The following IL23R variants were observed in gnomAD, a reference collection of about 807,000 sequenced individuals.
The protein encoded by IL23R is interleukin-23 receptor.
IL23R carries 34 observed loss-of-function variants against 56.9 expected under a neutral mutation model. The observed-to-expected ratio is 0.60, with a 90% CI of 0.45 to 0.80. The LOEUF (loss-of-function observed/expected upper bound fraction) is 0.80, where lower values mean the gene tolerates loss of function less well. Ranked by LOEUF, IL23R falls within the 30% of genes least tolerant of loss-of-function variation. The pLI is 0.00. For synonymous variants in IL23R, 230 were observed against 249.2 expected (o/e 0.92, Z 0.73); for missense variants, 635 against 730.0 (o/e 0.87, Z 1.50).
In IL23R at chr1:67,240,065, C is replaced by T. The variant is rs878880413; in HGVS notation, c.1046-114C>T. 5 of 800,912 alleles carry T rather than the reference C, an allele frequency of 6.2e-6. No homozygotes were observed. In the East Asian group the frequency reaches 1.3e-4, roughly 21 times the overall value. 49.6% of individuals were successfully genotyped at this position (800,912 alleles called of 1,614,324 possible). A position where few individuals can be genotyped will look rare whatever the true frequency, so the allele number is the denominator to read the frequency against. On this transcript the variant is annotated intron_variant, in intron 8 of 10. Coordinates refer to ENST00000347310, the MANE Select transcript of IL23R (RefSeq NM_144701.3). Reference sequence around the variant, plus strand: ...TAAAGTAAAGGTTAATTTTGCTTCCCCCCACCCTTTCTCCTTTGAGACCTT... The same window carrying T: ...TAAAGTAAAGGTTAATTTTGCTTCCTCCCACCCTTTCTCCTTTGAGACCTT...
chr1:67,195,036 A>G (rs565914272), intron 4 of IL23R, among the ~76,000 whole-genome samples: 1 of 152,308 alleles, frequency 6.6e-6, no homozygotes, highest in South Asian at 2.1e-4. Context: ...TATCATAAAT[A>G]TCTTCTTTTT....
At chr1:67,171,052 A>G (rs529399137) in intron 3 of IL23R, among the ~76,000 whole-genome samples, 3 of 152,356 alleles carry the variant, frequency 2.0e-5, no homozygotes, top group South Asian at 4.1e-4. Context: ...GCAGGCAGAC[A>G]TCTTATCTGA....
At chr1:67,143,624 T>C (rs976580119) in intron 1 of IL23R, among the ~76,000 whole-genome samples, 8 of 152,228 alleles carry the variant, frequency 5.3e-5, no homozygotes, top group African/African-American at 1.9e-4. Flanking sequence ...TTGATGGTTG[T>C]TTCTGGGACA....
chr1:67,251,493 A>G (rs1652622535), intron 9 of IL23R, among the ~76,000 whole-genome samples: 2 of 152,054 alleles, frequency 1.3e-5, no homozygotes. Flanking sequence ...CCTTTTAAAT[A>G]TACCTATAGC....
At chr1:67,234,281 T>G (rs1042650728) in intron 7 of IL23R, among the ~76,000 whole-genome samples, 1 of 152,226 alleles carries the variant, frequency 6.6e-6, no homozygotes, top group Non-Finnish European at 1.5e-5. Flanking sequence ...TGTTTATAAA[T>G]TGTCTTATTT....
chr1:67,165,993 G>A (rs1646870118), upstream of IL23R, among the ~76,000 whole-genome samples: 1 of 152,156 alleles, frequency 6.6e-6, no homozygotes, highest in South Asian at 2.1e-4. Context: ...TAAGATGAGA[G>A]ATGTATTAAC....
intron 2 of IL23R, among the ~76,000 whole-genome samples, chr1:67,168,640 C>G (rs772291121): frequency 6.6e-5 from 10 of 152,088 alleles, no homozygotes; most frequent in Non-Finnish European, 1.5e-4. Context: ...AAAAAGTAGG[C>G]TTTATCTAAA....
rs568084517 is a variant in IL23R, at chr1:67,182,778, G to A, written c.368-58G>A. The A allele has an allele frequency of 2.3e-4, 376 of 1,606,292 alleles. 1 individual carries two copies. In the South Asian group the frequency reaches 2.9e-3, roughly 12 times the overall value. The stretch of plus-strand genomic sequence containing the variant: ...TGTTCCTATTCAGCCATCTTGGCTT[G>A]GGACCAGAGAACTTCGTATTTCTTA... On this transcript the variant is annotated intron_variant, in intron 3 of 10. Transcript: ENST00000347310.
chr1:67,146,455 T>C (rs1174765204), intron 1 of IL23R, among the ~76,000 whole-genome samples: 15 of 152,132 alleles, frequency 9.9e-5, no homozygotes, highest in Non-Finnish European at 1.5e-5. Flanking sequence ...CAGCCTTTAA[T>C]ATTTACCCAT....
intron 9 of IL23R, among the ~76,000 whole-genome samples, chr1:67,240,859 A>T (rs1651799396): frequency 6.6e-6 from 1 of 152,246 alleles, no homozygotes; most frequent in Non-Finnish European, 1.5e-5. Context: ...AAAGTGACAC[A>T]TAGAAATTGG....
At chr1:67,239,694 G>T (rs746345443) in intron 8 of IL23R, among the ~76,000 whole-genome samples, 9 of 151,992 alleles carry the variant, frequency 5.9e-5, no homozygotes, top group South Asian at 2.1e-4. Context: ...TAAGTAAAGT[G>T]GATGTCCTTT....
chr1:67,243,746 T>C (rs1166067536), intron 9 of IL23R, among the ~76,000 whole-genome samples: 1 of 152,204 alleles, frequency 6.6e-6, no homozygotes, highest in Non-Finnish European at 1.5e-5. Context: ...TCTTTGCTAT[T>C]GTGAACAGTG....
At chr1:67,256,030 A>G in intron 10 of IL23R, 103 bp downstream of exon 10, 2 of 698,002 alleles carry the variant, frequency 2.9e-6, no homozygotes, top group Non-Finnish European at 2.6e-6. Flanking sequence ...ATGTGCACAC[A>G]TATTAACATA....
downstream of IL23R, among the ~76,000 whole-genome samples, chr1:67,263,863 CA>C (rs11321157): frequency 0.47 from 62,625 of 133,986 alleles, 13,456 homozygotes; most frequent in East Asian, 0.72. Flanking sequence ...GACTCCATCG[CA>C]AAAAAAAAAA....
chr1:67,160,854 G>A (rs549877561), intron 1 of IL23R, among the ~76,000 whole-genome samples: 2 of 152,208 alleles, frequency 1.3e-5, no homozygotes, highest in East Asian at 3.9e-4. Context: ...CCAGCTAGCA[G>A]AGCTCTATTC....
At chr1:67,215,187 G>A (rs1332236468) in intron 6 of IL23R, among the ~76,000 whole-genome samples, 1 of 152,156 alleles carries the variant, frequency 6.6e-6, no homozygotes, top group East Asian at 1.9e-4. Flanking sequence ...CTATAACTCG[G>A]TGTCTGAGAG....
At chr1:67,217,450 C>A (rs575170269) in intron 6 of IL23R, among the ~76,000 whole-genome samples, 2 of 152,060 alleles carry the variant, frequency 1.3e-5, no homozygotes, top group African/African-American at 2.4e-5. Context: ...CTGTACTTTA[C>A]GGTATTTCTT....
chr1:67,218,382 T>G (rs1650012931), intron 6 of IL23R, among the ~76,000 whole-genome samples: 2 of 143,738 alleles, frequency 1.4e-5, no homozygotes, highest in Non-Finnish European at 3.0e-5. Context: ...ATGTATGTAT[T>G]ATTGGGCCTT....
chr1:67,166,331 A>G (rs1401568428), upstream of IL23R: 1 of 152,394 alleles, frequency 6.6e-6, no homozygotes, highest in East Asian at 1.9e-4. Context: ...TAGTGACACG[A>G]GAGCCAGTCA....
Sources: gnomAD v4.1 joint callset for allele counts (sites outside exome capture counted in the v4.1 genomes callset) on GRCh38, gnomAD v4.1.1 for gene constraint, MANE v1.5 for transcripts, NCBI Gene and HGNC (gene_info 2026-07-23, HGNC 2026-07-21) for gene names.